Variants in RORA observed in about 807,000 individuals in gnomAD.
The protein encoded by RORA is nuclear receptor ROR-alpha.
RORA carries 7 observed loss-of-function variants against 69.5 expected under a neutral mutation model. The ratio of observed to expected loss-of-function variants is 0.10; its 90% CI spans 0.06 to 0.19. The LOEUF (loss-of-function observed/expected upper bound fraction) is 0.19. Ranked by LOEUF, RORA falls within the 10% of genes least tolerant of loss-of-function variation. The pLI, the probability that RORA is intolerant of heterozygous loss-of-function variation, is 1.00. For synonymous variants in RORA, 261 were observed against 240.8 expected, an observed-to-expected ratio of 1.08 and a Z score of -0.78; for missense variants, 457 against 663.0, an observed-to-expected ratio of 0.69 and a Z score of 3.41.
intron 4 of RORA, 38 bp downstream of exon 4, chr15:60,514,578 C>T (rs2065805839): frequency 3.1e-6 from 5 of 1,605,566 alleles, no homozygotes; most frequent in Non-Finnish European, 4.3e-6. Flanking sequence ...ACTTTCACAA[C>T]CCCGTGCAAC....
intron 1 of RORA, among the ~76,000 whole-genome samples, chr15:60,833,111 AGC>A (rs2073068680): frequency 1.3e-5 from 2 of 151,716 alleles, no homozygotes; most frequent in East Asian, 3.9e-4. Flanking sequence ...TCACCGTGTT[AGC>A]CAGGATGGTC....
chr15:60,819,162 T>G (rs1325316162), intron 1 of RORA, among the ~76,000 whole-genome samples: 1 of 152,244 alleles, frequency 6.6e-6, no homozygotes, highest in Non-Finnish European at 1.5e-5. Flanking sequence ...GTCTTTGATT[T>G]ATGCTATTAC....
chr15:60,956,145 T>A (rs72752785), intron 1 of RORA, among the ~76,000 whole-genome samples: 13,312 of 152,284 alleles, frequency 0.087, 746 homozygotes, highest in Middle Eastern at 0.18. Flanking sequence ...CAGTGATGAA[T>A]AGAATTATTT....
rs919077367 is a variant in RORA, at chr15:60,539,957, A to G, written c.197-8106T>C. Among the ~76,000 whole-genome samples the G allele has an allele frequency of 3.3e-5, 5 of 152,294 alleles. No homozygotes were observed. In the East Asian group the frequency reaches 7.7e-4, roughly 24 times the overall value. ...ACCCTGGGATCAGTAACATTTAACA[A>G]AAGTCCTCTTTCTCTAGAATCTCTC... On this transcript the variant is annotated intron_variant, in intron 2 of 10. Transcript: ENST00000335670.
At chr15:61,083,635 T>C (rs868709432) in intron 1 of RORA, among the ~76,000 whole-genome samples, 2 of 151,776 alleles carry the variant, frequency 1.3e-5, no homozygotes, top group African/African-American at 4.8e-5. Flanking sequence ...AAGGATTCTG[T>C]AGTTCTCAGG....
chr15:60,605,894 A>G (rs2068934898), intron 2 of RORA, among the ~76,000 whole-genome samples: 1 of 152,238 alleles, frequency 6.6e-6, no homozygotes, highest in Admixed American at 6.5e-5. Context: ...TCATTTGCCG[A>G]CAGACATCCT....
At chr15:60,866,839 T>TCTATCTAC (rs2073494114) in intron 1 of RORA, among the ~76,000 whole-genome samples, 1 of 151,108 alleles carries the variant, frequency 6.6e-6, no homozygotes, top group Non-Finnish European at 1.5e-5. Flanking sequence ...TATCTATCTA[T>TCTATCTAC]CTATCTATCT....
chr15:60,943,864 C>A (rs777647203), intron 1 of RORA, among the ~76,000 whole-genome samples: 34 of 130,214 alleles, frequency 2.6e-4, no homozygotes, highest in Non-Finnish European at 4.7e-4. Flanking sequence ...TGCAGTGACC[C>A]GAGATCATGC....
intron 1 of RORA, among the ~76,000 whole-genome samples, chr15:60,732,842 C>A (rs111379753): frequency 6.6e-6 from 1 of 151,486 alleles, no homozygotes; most frequent in African/African-American, 2.5e-5. Context: ...CGTGCACTTA[C>A]ATGCTTCTAT....
intron 1 of RORA, among the ~76,000 whole-genome samples, chr15:60,794,366 C>G (rs2072460346): frequency 1.3e-5 from 2 of 152,172 alleles, no homozygotes; most frequent in African/African-American, 4.8e-5. Flanking sequence ...AATTTGCTCC[C>G]ATTACCCAAC....
intron 2 of RORA, among the ~76,000 whole-genome samples, chr15:60,536,117 A>G (rs1196361547): frequency 2.6e-5 from 4 of 152,310 alleles, no homozygotes; most frequent in South Asian, 2.1e-4. Context: ...AAAATGACCA[A>G]TGTCAACGTT....
intron 1 of RORA, among the ~76,000 whole-genome samples, chr15:61,105,202 T>C (rs1289644938): frequency 6.6e-6 from 1 of 152,200 alleles, no homozygotes; most frequent in African/African-American, 2.4e-5. Context: ...CACAGACCTT[T>C]TACATTTATA....
At chr15:60,859,659 T>TC (rs1938193779) in intron 1 of RORA, among the ~76,000 whole-genome samples, 2 of 145,014 alleles carry the variant, frequency 1.4e-5, no homozygotes, top group Non-Finnish European at 3.1e-5. Context: ...TTCTTTCTTT[T>TC]TTTTTTTTTT....
At chr15:60,980,138 C>T (rs1476470509) in intron 1 of RORA, among the ~76,000 whole-genome samples, 1 of 152,150 alleles carries the variant, frequency 6.6e-6, no homozygotes, top group Non-Finnish European at 1.5e-5. Context: ...GAGATGATCA[C>T]ATGGGTTTTC....
At chr15:60,635,960 G>A (rs1366374168) in intron 2 of RORA, among the ~76,000 whole-genome samples, 5 of 152,026 alleles carry the variant, frequency 3.3e-5, no homozygotes, top group African/African-American at 4.8e-5. Flanking sequence ...TTCAGATCTG[G>A]CTCTCTCTGT....
chr15:61,210,197 G>A (rs2079978369), intron 1 of RORA, among the ~76,000 whole-genome samples: 1 of 152,198 alleles, frequency 6.6e-6, no homozygotes, highest in African/African-American at 2.4e-5. Context: ...AGCATGTGCA[G>A]AAGCTCAGAA....
intron 2 of RORA, among the ~76,000 whole-genome samples, chr15:60,635,034 T>A (rs956256188): frequency 6.6e-6 from 1 of 152,132 alleles, no homozygotes; most frequent in African/African-American, 2.4e-5. Flanking sequence ...ACACAAGAAG[T>A]AAGCTAATGA....
intron 1 of RORA, among the ~76,000 whole-genome samples, chr15:61,054,603 G>A (rs553182146): frequency 5.3e-5 from 8 of 152,136 alleles, no homozygotes; most frequent in African/African-American, 1.4e-4. Context: ...CCTTCAATGA[G>A]GATTTTTACA....
At chr15:60,886,756 G>A (rs2073754649) in intron 1 of RORA, among the ~76,000 whole-genome samples, 1 of 152,218 alleles carries the variant, frequency 6.6e-6, no homozygotes, top group South Asian at 2.1e-4. Flanking sequence ...TAAAAGGACT[G>A]TGTCCTCATC....
Sources: allele counts gnomAD v4.1 joint callset (sites outside exome capture counted in the v4.1 genomes callset), GRCh38; gene constraint gnomAD v4.1.1; transcripts MANE v1.5; gene names NCBI Gene and HGNC (gene_info 2026-07-23, HGNC 2026-07-21).